AARSD1: variants seen among roughly 807,000 people sequenced by gnomAD.
AARSD1 encodes alanyl-tRNA synthetase domain containing 1.
In AARSD1, 44 loss-of-function variants were observed where a neutral mutation model predicts 48.7. That is an observed-to-expected ratio of 0.90 (90% CI 0.71 to 1.16). The LOEUF (loss-of-function observed/expected upper bound fraction) is 1.16. Ranked by LOEUF, AARSD1 falls within the 50% of genes most tolerant of loss-of-function variation. The pLI is 0.00. For synonymous variants in AARSD1, 189 were observed against 194.9 expected (o/e 0.97, Z 0.25); for missense variants, 511 against 523.1 (o/e 0.98, Z 0.23).
chr17:42,954,329 C>T (rs771845174), intron 9 of AARSD1, among the ~76,000 whole-genome samples: 6 of 152,092 alleles, frequency 3.9e-5, no homozygotes, highest in Non-Finnish European at 8.8e-5. Context: ...GCACTCCAGA[C>T]ACACTAAGAC....
chr17:42,956,029 G>A, intron 6 of AARSD1, 57 bp from the exon 7 acceptor site: 2 of 1,611,788 alleles, frequency 1.2e-6, no homozygotes, highest in Non-Finnish European at 1.7e-6. Context: ...ATAAACCACA[G>A]CGGATCCTAG....
chr17:42,960,721 CAAA>C (rs912931801), intron 3 of AARSD1, among the ~76,000 whole-genome samples: 8 of 77,856 alleles, frequency 1.0e-4, no homozygotes, highest in Admixed American at 3.0e-4. Flanking sequence ...AACTCTGTGT[CAAA>C]AAAAAAAAAA....
At chr17:42,961,880 A>G (rs2049641930) in intron 2 of AARSD1, among the ~76,000 whole-genome samples, 1 of 151,970 alleles carries the variant, frequency 6.6e-6, no homozygotes, top group South Asian at 2.1e-4. Flanking sequence ...GCTGGCCATG[A>G]TACTCCCTGC....
intron 2 of AARSD1, among the ~76,000 whole-genome samples, chr17:42,963,067 C>T (rs1338886608): frequency 2.0e-5 from 3 of 151,558 alleles, no homozygotes; most frequent in African/African-American, 7.3e-5. Context: ...GTTCGCTGCC[C>T]ACACACCTTA....
intron 10 of AARSD1, among the ~76,000 whole-genome samples, chr17:42,953,383 T>A (rs1037645438): frequency 1.3e-5 from 2 of 152,176 alleles, no homozygotes; most frequent in Admixed American, 6.6e-5. Flanking sequence ...GTGCTGGGAT[T>A]ACATGCGTGA....
intron 3 of AARSD1, among the ~76,000 whole-genome samples, chr17:42,960,452 T>C (rs1392456438): frequency 1.3e-5 from 2 of 151,228 alleles, no homozygotes; most frequent in African/African-American, 4.9e-5. Context: ...ACCAACATGC[T>C]GGGGGGGTGT....
chr17:42,957,571 A>G, intron 3 of AARSD1: 1 of 155,560 alleles, frequency 6.4e-6, no homozygotes, highest in Non-Finnish European at 1.4e-5. Flanking sequence ...CCCAGGATCA[A>G]GCAATTCTCG....
chr17:42,957,413 G>GGCCT, intron 3 of AARSD1: 1 of 364,928 alleles, frequency 2.7e-6, no homozygotes, highest in African/African-American at 2.1e-5. Flanking sequence ...CTGAAGCCTA[G>GGCCT]AGAGATCAAA....
intron 3 of AARSD1, among the ~76,000 whole-genome samples, chr17:42,960,165 A>G (rs796161413): frequency 1.3e-5 from 2 of 151,736 alleles, no homozygotes; most frequent in South Asian, 2.1e-4. Context: ...GCTACTCGGG[A>G]GGCCAAGGCA....
At position 42,957,192 on chromosome 17, in the gene AARSD1, T is replaced by C; in HGVS notation, c.335A>G (p.Gln112Arg). 1 of 1,613,780 alleles carries C rather than the reference T, an allele frequency of 6.2e-7. No individual in the cohort carries two copies. The highest frequency in any genetic ancestry group is 8.5e-7 in the Non-Finnish European group (1 of 1,179,888). ...RFDHMQQHSGQHLITAVADHL... is the reference protein window; with the variant it reads ...RFDHMQQHSGRHLITAVADHL... ...GTCAGCAACTGCCGTGATGAGATGC[T>C]GCCCTAAGCAAAGAGAGCCAGAGAC... The change falls in exon 4 of 12, where the codon CAG (glutamine) becomes CGG (arginine). Residue 112 changes from glutamine (Q) to arginine (R), a missense_variant. Coordinates refer to ENST00000427569, the MANE Select transcript of AARSD1 (RefSeq NM_001261434.2).
chr17:42,955,305 C>G, intron 7 of AARSD1, 81 bp from the exon 8 acceptor site: 1 of 1,558,716 alleles, frequency 6.4e-7, no homozygotes, highest in Non-Finnish European at 8.7e-7. Flanking sequence ...TAATTTCCTT[C>G]TTGCTATGGT....
chr17:42,961,456 G>T, intron 2 of AARSD1, 105 bp from the exon 3 acceptor site: 1 of 1,518,738 alleles, frequency 6.6e-7, no homozygotes, highest in East Asian at 2.3e-5. Flanking sequence ...GGCTCCCTAA[G>T]GGAGAGGGAG....
At chr17:42,958,734 T>G (rs1366306634) in intron 3 of AARSD1, among the ~76,000 whole-genome samples, 1 of 150,098 alleles carries the variant, frequency 6.7e-6, no homozygotes, top group African/African-American at 2.4e-5. Flanking sequence ...CCATGCCTAA[T>G]TTTTGTACTT....
At chr17:42,956,690 C>T (rs559157029) in intron 4 of AARSD1, 130 bp from the exon 5 acceptor site, 12 of 300,942 alleles carry the variant, frequency 4.0e-5, no homozygotes, top group Non-Finnish European at 5.9e-5. Flanking sequence ...TTTTTTGAGA[C>T]GGAGTCTCGC....
Position 42,955,229 on chromosome 17 carries a change from AAGAGAAAGGTC to A in AARSD1, c.795-16_795-6del, listed in dbSNP as rs761343461. On this transcript the variant is annotated splice_polypyrimidine_tract_variant and splice_region_variant and intron_variant, in intron 7 of 11. Coordinates refer to ENST00000427569, the MANE Select transcript of AARSD1 (RefSeq NM_001261434.2). ...ACATGATCCTCTGCTCCACACCTGA[AAGAGAAAGGTC>A]AGAGGAGACCTGCGCAGCTTCCCAG... is the stretch of plus-strand genomic sequence containing the variant. 6.2e-7 allele frequency: 1 copy of A among 1,613,600 alleles called. No homozygotes were observed. The highest frequency in any genetic ancestry group is 1.1e-5 in the South Asian group (1 of 90,830).
At chr17:42,953,962 G>A in intron 9 of AARSD1, 184 bp from the exon 10 acceptor site, 1 of 662,862 alleles carries the variant, frequency 1.5e-6, no homozygotes, top group African/African-American at 1.8e-5. Context: ...TCTGCAGTTT[G>A]TAATCAACCT....
In AARSD1 at chr17:42,964,250, G is replaced by A. The variant is rs2049681097; in HGVS notation, c.40-13C>T. On this transcript the variant is annotated splice_polypyrimidine_tract_variant and intron_variant, in intron 1 of 11. Transcript: ENST00000427569. ...CGGTGGTGGTGAACTGAACAGAGAGGAATGAGAGAATAAGCCCCGACCCCA... is the reference window on the plus strand; with the variant it reads ...CGGTGGTGGTGAACTGAACAGAGAGAAATGAGAGAATAAGCCCCGACCCCA... 1.3e-6 allele frequency: 2 copies of A among 1,594,536 alleles called. No individual in the cohort carries two copies. Among genetic ancestry groups the A allele is most frequent in the Non-Finnish European group, 1.7e-6 (2 of 1,175,064 alleles).
chr17:42,961,550 A>T (rs2049638305), intron 2 of AARSD1, among the ~76,000 whole-genome samples, 199 bp from the exon 3 acceptor site: 2 of 152,198 alleles, frequency 1.3e-5, no homozygotes, highest in African/African-American at 4.8e-5. Context: ...ATGTGTTGTG[A>T]TCTTCAGAAT....
intron 3 of AARSD1, 170 bp from the exon 4 acceptor site, chr17:42,957,365 G>A (rs1005484239): frequency 1.3e-6 from 1 of 741,354 alleles, no homozygotes; most frequent in African/African-American, 1.8e-5. Context: ...TGAGAATTCT[G>A]CAAGAGGCCT....
Sources: gnomAD v4.1 joint callset for allele counts (sites outside exome capture counted in the v4.1 genomes callset) on GRCh38, gnomAD v4.1.1 for gene constraint, MANE v1.5 for transcripts, NCBI Gene and HGNC (gene_info 2026-07-23, HGNC 2026-07-21) for gene names.